The following CASS4 variants were observed in gnomAD, a reference collection of about 807,000 sequenced individuals.
CASS4 encodes the protein Cas scaffold protein family member 4, also known as cas scaffolding protein family member 4.
A neutral mutation model predicts 54.2 loss-of-function variants in CASS4; 22 were observed. The ratio of observed to expected loss-of-function variants is 0.41; its 90% CI spans 0.29 to 0.58. The LOEUF is 0.58. Among genes scored for constraint, CASS4 ranks in the 20% least tolerant of loss-of-function variants. The pLI is 0.36. For synonymous variants in CASS4, 409 were observed against 391.5 expected (o/e 1.04, Z -0.53); for missense variants, 854 against 986.7 (o/e 0.87, Z 1.80).
intron 3 of CASS4, among the ~76,000 whole-genome samples, chr20:56,446,930 A>G (rs1415787446): frequency 1.3e-5 from 2 of 152,182 alleles, no homozygotes; most frequent in Non-Finnish European, 2.9e-5. Flanking sequence ...ACTTTTGGCC[A>G]GGTGCGGCAG....
chr20:56,458,097 T>C (rs1981385765), intron 5 of CASS4, among the ~76,000 whole-genome samples: 1 of 151,404 alleles, frequency 6.6e-6, no homozygotes, highest in African/African-American at 2.4e-5. Flanking sequence ...GTTGGTTTAT[T>C]GAGATGATTG....
chr20:56,423,079 T>G (rs1307797016), intron 1 of CASS4, among the ~76,000 whole-genome samples: 1 of 152,226 alleles, frequency 6.6e-6, no homozygotes, highest in Non-Finnish European at 1.5e-5. Context: ...AGAGACCCAC[T>G]GGCCAGATCC....
chr20:56,419,455 C>T (rs1390442413), intron 1 of CASS4, among the ~76,000 whole-genome samples: 1 of 152,012 alleles, frequency 6.6e-6, no homozygotes, highest in Non-Finnish European at 1.5e-5. Context: ...GCACTTCCCC[C>T]ACACCACCCC....
Position 56,427,581 on chromosome 20 carries a change from C to G in CASS4, c.37-9583C>G, listed in dbSNP as rs1345059118. ...GAGCCCTTTCTCCATTCTGCACTCT[C>G]TCGATGTTGAGTCTGGGCACAGCTA... On this transcript the variant is annotated intron_variant, in intron 1 of 5. Coordinates refer to ENST00000679887, the MANE Select transcript of CASS4 (RefSeq NM_020356.4). Among the ~76,000 whole-genome samples, 11 of 152,172 alleles carry G rather than the reference C, an allele frequency of 7.2e-5. 1 individual carries two copies.
rs979288481 is a variant in CASS4, at chr20:56,430,093, GTGAATGAA to G, written c.37-7057_37-7050del. 9.2e-5 allele frequency among the ~76,000 whole-genome samples: 14 copies of G among 152,146 alleles called. No homozygotes were observed. The highest frequency in any genetic ancestry group is 3.4e-4 in the African/African-American group (14 of 41,424). ...ACACGTGATGCTCAATACAATCTTGGTGAATGAATGAATGAATGAATTGCTCCCCAGAT... is the reference window on the plus strand; with the variant it reads ...ACACGTGATGCTCAATACAATCTTGGTGAATGAATGAATTGCTCCCCAGAT... On this transcript the variant is annotated intron_variant, in intron 1 of 5. Transcript: ENST00000679887. This position sits in a 1 kb window ranked among gnomAD's most constrained non-coding sequence, Gnocchi z 4.2.
At chr20:56,428,063 A>G (rs1242586684) in intron 1 of CASS4, among the ~76,000 whole-genome samples, 1 of 152,078 alleles carries the variant, frequency 6.6e-6, no homozygotes, top group Admixed American at 6.6e-5. Context: ...ACCACCTCCC[A>G]CTATGGACTG....
In CASS4 at chr20:56,437,041, G is replaced by A; in HGVS notation, c.37-123G>A. ...GAGCAGGGACAAGAGCCTCTGGGGTGGAAGAAATGAAATGAAAGGGCATGA... is the reference window on the plus strand; with the variant it reads ...GAGCAGGGACAAGAGCCTCTGGGGTAGAAGAAATGAAATGAAAGGGCATGA... On this transcript the variant is annotated intron_variant, in intron 1 of 5. Coordinates refer to ENST00000679887, the MANE Select transcript of CASS4 (RefSeq NM_020356.4). The surrounding 1 kb of genome is among the most constrained non-coding windows in gnomAD (Gnocchi z 4.7). 1 of 886,492 alleles carries A rather than the reference G, an allele frequency of 1.1e-6. No homozygotes were observed. Among genetic ancestry groups the A allele is most frequent in the South Asian group, 1.8e-5 (1 of 55,872 alleles). The allele number at this position is 886,492 out of a possible 1,614,324, so 54.9% of individuals were successfully genotyped here.
chr20:56,417,551 C>T (rs1457334286), intron 1 of CASS4, among the ~76,000 whole-genome samples: 1 of 152,218 alleles, frequency 6.6e-6, no homozygotes, highest in East Asian at 1.9e-4. Context: ...TCTCTGGGAA[C>T]GAAACTCCAT....
intron 1 of CASS4, among the ~76,000 whole-genome samples, chr20:56,419,425 C>T (rs542236804): frequency 6.6e-6 from 1 of 152,198 alleles, no homozygotes; most frequent in South Asian, 2.1e-4. Flanking sequence ...GCATCCCCAG[C>T]TCTCAGTGTG....
At chr20:56,448,386 C>G (rs116452604) in intron 3 of CASS4, among the ~76,000 whole-genome samples, 2,776 of 152,238 alleles carry the variant, frequency 0.018, 96 homozygotes, top group African/African-American at 0.064. Context: ...CTCTCCTCCC[C>G]CTGGTCCTGA....
Position 56,437,418 on chromosome 20 carries a change from C to G in CASS4, c.291C>G (p.Thr97=), listed in dbSNP as rs201033878. ...AAGCTCCTGCCAGCTCAGAGGAGAC[C>G]TATCAGGTGCCCACTCTACCCCGCC... ...LEEAPASSEE[T]YQVPTLPRPP... is the part of the protein sequence containing the mutation. Residue 97 remains threonine, a synonymous_variant, in exon 2 of 6, where the codon ACC becomes ACG. Transcript: ENST00000679887. This position sits in a 1 kb window ranked among gnomAD's most constrained non-coding sequence, Gnocchi z 4.7. 1.2e-6 allele frequency: 2 copies of G among 1,614,050 alleles called. No homozygotes were observed. Among genetic ancestry groups the G allele is most frequent in the African/African-American group, 2.7e-5 (2 of 75,054 alleles).
At chr20:56,440,696 C>G (rs6014732) in intron 2 of CASS4, among the ~76,000 whole-genome samples, 11,490 of 152,286 alleles carry the variant, frequency 0.075, 1,024 homozygotes, top group African/African-American at 0.21. Context: ...ACTATTGAAA[C>G]TTAACTTTGA....
intron 1 of CASS4, among the ~76,000 whole-genome samples, chr20:56,428,409 G>A (rs718022): frequency 0.084 from 12,805 of 152,220 alleles, 630 homozygotes; most frequent in Middle Eastern, 0.15. Context: ...CCTGCATTGG[G>A]CAGGAACACC....
intron 3 of CASS4, among the ~76,000 whole-genome samples, chr20:56,448,786 T>A (rs902062184): frequency 6.6e-6 from 1 of 152,184 alleles, no homozygotes. Flanking sequence ...ATATATAATA[T>A]GTTATGTCAT....
Position 56,414,287 on chromosome 20 carries a change from C to G in CASS4, c.36+1793C>G, listed in dbSNP as rs1396464519. ...AGGTGGTGTTTGTCAATTCTCAGTT[C>G]TTAATCTAGAACAATCTACTACCTT... On this transcript the variant is annotated intron_variant, in intron 1 of 5. Transcript: ENST00000679887. The surrounding 1 kb of genome is among the most constrained non-coding windows in gnomAD (Gnocchi z 4.1). Among the ~76,000 whole-genome samples the G allele has an allele frequency of 7.2e-5, 11 of 152,124 alleles. No individual in the cohort carries two copies. Among genetic ancestry groups the G allele is most frequent in the African/African-American group, 2.7e-4 (11 of 41,408 alleles).
In CASS4 at chr20:56,458,502, A is replaced by G; in HGVS notation, c.2116A>G (p.Ser706Gly). Residue 706 changes from serine (S) to glycine (G), a missense_variant, in exon 6 of 6, where the codon AGC becomes GGC. Ser to Gly is a moderately conservative substitution (Grantham distance 56, BLOSUM62 0). Coordinates refer to ENST00000679887, the MANE Select transcript of CASS4 (RefSeq NM_020356.4). The part of the protein sequence containing the change: ...SSQPAEIITQ[S>G]KLVIMVGQKL... ...CCAGCCCGCGGAGATCATCACTCAG[A>G]GCAAGCTGGTCATCATGGTGGGACA... is the stretch of plus-strand genomic sequence containing the variant. 6.2e-7 allele frequency: 1 copy of G among 1,614,190 alleles called. No homozygotes were observed. The highest frequency in any genetic ancestry group is 8.5e-7 in the Non-Finnish European group (1 of 1,180,038).
chr20:56,428,280 G>A (rs1979738096), intron 1 of CASS4, among the ~76,000 whole-genome samples: 1 of 152,198 alleles, frequency 6.6e-6, no homozygotes, highest in African/African-American at 2.4e-5. Context: ...TGACCCCTGT[G>A]ACAGGAAAGA....
In CASS4 at chr20:56,412,396, A is replaced by G. The variant is rs1272912988; in HGVS notation, c.-63A>G. 4 of 1,565,886 alleles carry G rather than the reference A, an allele frequency of 2.6e-6. No homozygotes were observed. Among genetic ancestry groups the G allele is most frequent in the Non-Finnish European group, 2.6e-6 (3 of 1,141,896 alleles). On this transcript the variant is annotated 5_prime_UTR_variant, in exon 1 of 6. Transcript: ENST00000679887. This position sits in a 1 kb window ranked among gnomAD's most constrained non-coding sequence, Gnocchi z 4.2. Reference sequence around the variant, plus strand: ...CAGAAGCATGCAGTGACATTGCACAATCTGCCTCTGAAGCTGGAGATACTA... The same window carrying G: ...CAGAAGCATGCAGTGACATTGCACAGTCTGCCTCTGAAGCTGGAGATACTA...
intron 1 of CASS4, among the ~76,000 whole-genome samples, chr20:56,431,101 C>T (rs1386330621): frequency 6.6e-6 from 1 of 152,106 alleles, no homozygotes; most frequent in Non-Finnish European, 1.5e-5. Flanking sequence ...ATGTGAGGAA[C>T]CAATTAGAAT....
Sources: gnomAD v4.1 joint callset for allele counts (sites outside exome capture counted in the v4.1 genomes callset) on GRCh38, gnomAD v4.1.1 for gene constraint, Gnocchi (gnomAD v3.1) non-coding constraint, MANE v1.5 for transcripts, NCBI Gene and HGNC (gene_info 2026-07-23, HGNC 2026-07-21) for gene names.